The following ABTB3 variants were observed in gnomAD, a reference collection of about 807,000 sequenced individuals.
ABTB3 encodes ankyrin repeat and BTB domain containing 3.
the ABTB3 span, among the ~76,000 whole-genome samples, chr12:107,624,288 A>G: frequency 6.6e-6 from 1 of 151,976 alleles, no homozygotes; most frequent in South Asian, 2.1e-4. Context: ...TTTTGAGATA[A>G]TTGTAGATTC....
At chr12:107,327,535 C>G in the ABTB3 span, among the ~76,000 whole-genome samples, 11 of 152,228 alleles carry the variant, frequency 7.2e-5, no homozygotes, top group Admixed American at 5.2e-4. Context: ...CAGCCAGGAA[C>G]AGTTAGCAAA....
the ABTB3 span, among the ~76,000 whole-genome samples, chr12:107,483,346 T>A: frequency 2.0e-5 from 3 of 152,132 alleles, no homozygotes; most frequent in Non-Finnish European, 4.4e-5. Flanking sequence ...GCCCAGCCCC[T>A]TGATGCTTAT....
chr12:107,548,355 C>A, the ABTB3 span, among the ~76,000 whole-genome samples: 13 of 152,314 alleles, frequency 8.5e-5, no homozygotes, highest in East Asian at 2.5e-3. Flanking sequence ...GCCCAACAGA[C>A]GGCCTGGGAA....
chr12:107,359,222 G>A, the ABTB3 span, among the ~76,000 whole-genome samples: 2 of 152,374 alleles, frequency 1.3e-5, no homozygotes, highest in African/African-American at 4.8e-5. Context: ...AAGTGGGGCT[G>A]ATGCCCAAGA....
chr12:107,508,350 T>C, the ABTB3 span, among the ~76,000 whole-genome samples: 1 of 151,088 alleles, frequency 6.6e-6, no homozygotes, highest in African/African-American at 2.4e-5. Flanking sequence ...TGATATAGAG[T>C]AAGGTAGACA....
chr12:107,350,937 G>A, the ABTB3 span, among the ~76,000 whole-genome samples: 2 of 152,154 alleles, frequency 1.3e-5, no homozygotes, highest in South Asian at 2.1e-4. Context: ...TAGCCACCTC[G>A]AGAAACCAAC....
the ABTB3 span, among the ~76,000 whole-genome samples, chr12:107,477,916 T>G: frequency 2.9e-4 from 44 of 152,282 alleles, no homozygotes; most frequent in African/African-American, 9.4e-4. Context: ...ACTGTCCCAG[T>G]TATCATCAAA....
the ABTB3 span, among the ~76,000 whole-genome samples, chr12:107,389,562 C>T: frequency 1.3e-5 from 2 of 152,298 alleles, no homozygotes; most frequent in East Asian, 3.9e-4. Flanking sequence ...TCCTCCAACA[C>T]TCCTGTCCAG....
chr12:107,367,237 T>C, the ABTB3 span, among the ~76,000 whole-genome samples: 1 of 152,166 alleles, frequency 6.6e-6, no homozygotes, highest in Non-Finnish European at 1.5e-5. Context: ...GTGGTAACCA[T>C]AGAGATTGTG....
the ABTB3 span, among the ~76,000 whole-genome samples, chr12:107,652,666 A>G: frequency 1.3e-5 from 2 of 152,200 alleles, no homozygotes; most frequent in Non-Finnish European, 2.9e-5. Flanking sequence ...CCAGAAATCT[A>G]TATTTTTAAC....
chr12:107,450,605 A>G, the ABTB3 span, among the ~76,000 whole-genome samples: 1 of 152,232 alleles, frequency 6.6e-6, no homozygotes, highest in South Asian at 2.1e-4. Flanking sequence ...TCTGTTGCCC[A>G]TAAAGTGGAC....
the ABTB3 span, among the ~76,000 whole-genome samples, chr12:107,508,628 G>A: frequency 2.0e-5 from 3 of 151,380 alleles, no homozygotes; most frequent in Admixed American, 6.6e-5. Flanking sequence ...CCAATTTTTT[G>A]TATTTTTAGT....
chr12:107,572,215 G>A, the ABTB3 span, among the ~76,000 whole-genome samples: 1 of 152,010 alleles, frequency 6.6e-6, no homozygotes, highest in Admixed American at 6.6e-5. Flanking sequence ...ATAAAGACTG[G>A]AGTGACTAGC....
At chr12:107,380,571 C>T in the ABTB3 span, among the ~76,000 whole-genome samples, 1 of 152,106 alleles carries the variant, frequency 6.6e-6, no homozygotes, top group Non-Finnish European at 1.5e-5. Context: ...AGGAAATGAC[C>T]TGTCTAAGGC....
the ABTB3 span, among the ~76,000 whole-genome samples, chr12:107,379,934 C>T: frequency 0.43 from 65,081 of 152,052 alleles, 14,254 homozygotes; most frequent in East Asian, 0.71. Flanking sequence ...ATATTCACCC[C>T]AACACCTCAC....
At chr12:107,339,494 T>C in the ABTB3 span, among the ~76,000 whole-genome samples, 6 of 152,242 alleles carry the variant, frequency 3.9e-5, no homozygotes, top group African/African-American at 1.2e-4. Context: ...GCCTCTGTTA[T>C]GGATCTTAAT....
At chr12:107,330,350 T>A in the ABTB3 span, among the ~76,000 whole-genome samples, 1 of 152,162 alleles carries the variant, frequency 6.6e-6, no homozygotes, top group Admixed American at 6.6e-5. Context: ...GAAGGGTGAA[T>A]GTGGGAAGGC....
the ABTB3 span, among the ~76,000 whole-genome samples, chr12:107,488,893 A>T: frequency 1.3e-5 from 2 of 151,468 alleles, no homozygotes; most frequent in Admixed American, 6.6e-5. Context: ...CTGAGTCAGG[A>T]TGAATTTACA....
chr12:107,360,930 ATTTTTTTT>A, the ABTB3 span, among the ~76,000 whole-genome samples: 98 of 84,436 alleles, frequency 1.2e-3, 1 homozygote, highest in Non-Finnish European at 1.7e-3. Context: ...ATTTAATTTA[ATTTTTTTT>A]TTTTTTTTTT....
Sources: allele counts gnomAD v4.1 joint callset (sites outside exome capture counted in the v4.1 genomes callset), GRCh38; gene constraint gnomAD v4.1.1; transcripts MANE v1.5; gene names NCBI Gene and HGNC (gene_info 2026-07-23, HGNC 2026-07-21).